Variants in PNLIP observed in about 807,000 individuals in gnomAD.
The protein encoded by PNLIP is pancreatic triacylglycerol lipase.
In PNLIP, 49 loss-of-function variants were observed where a neutral mutation model predicts 57.1. That is an observed-to-expected ratio of 0.86 (90% CI 0.68 to 1.09). The LOEUF (loss-of-function observed/expected upper bound fraction) is 1.09. PNLIP is among the 50% of genes least tolerant of loss of function. The pLI, the probability that PNLIP is intolerant of heterozygous loss-of-function variation, is 0.00. For missense variants in PNLIP, 503 were observed against 570.2 expected (o/e 0.88, Z 1.20); for synonymous variants, 209 against 200.4 (o/e 1.04, Z -0.36).
chr10:116,555,369 T>C lies in PNLIP; in HGVS notation c.692-19T>C, dbSNP rs746840327. On this transcript the variant is annotated intron_variant, in intron 7 of 12. Transcript: ENST00000369221. ...CTATATACATTAGCATAAACCCTCATGTATTTTTATGATTTCAGGGTTTGG... is the reference window on the plus strand; with the variant it reads ...CTATATACATTAGCATAAACCCTCACGTATTTTTATGATTTCAGGGTTTGG... The C allele has an allele frequency of 1.9e-6, 3 of 1,614,048 alleles. No individual in the cohort carries two copies. Among genetic ancestry groups the C allele is most frequent in the Admixed American group, 1.7e-5 (1 of 59,990 alleles).
chr10:116,556,663 C>T (rs1221134820), intron 9 of PNLIP, among the ~76,000 whole-genome samples: 1 of 150,700 alleles, frequency 6.6e-6, no homozygotes, highest in Non-Finnish European at 1.5e-5. Context: ...TAAATGTGTG[C>T]TGTAGTGGCT....
At chr10:116,565,752 A>C (rs1007082467) in intron 12 of PNLIP, among the ~76,000 whole-genome samples, 1 of 152,108 alleles carries the variant, frequency 6.6e-6, no homozygotes, top group African/African-American at 2.4e-5. Context: ...TTGGTGTTCG[A>C]TATTTACCCA....
chr10:116,555,692 G>A (rs573149121), intron 8 of PNLIP, among the ~76,000 whole-genome samples, 185 bp downstream of exon 8: 2 of 152,316 alleles, frequency 1.3e-5, no homozygotes, highest in South Asian at 2.1e-4. Context: ...GGGAAAGAAA[G>A]CGTATTTTCA....
At chr10:116,546,191 C>A in intron 2 of PNLIP, 53 bp downstream of exon 2, 2 of 1,495,050 alleles carry the variant, frequency 1.3e-6, no homozygotes, top group South Asian at 2.3e-5. Context: ...TCAACACGGT[C>A]AGGAGGGCTA....
At chr10:116,547,630 G>A (rs139399051) in intron 3 of PNLIP, among the ~76,000 whole-genome samples, 182 bp downstream of exon 3, 52 of 150,842 alleles carry the variant, frequency 3.4e-4, no homozygotes, top group African/African-American at 1.2e-3. Flanking sequence ...GGAAACTGAA[G>A]CAGGAGGATG....
chr10:116,565,913 A>C (rs1847362909), intron 12 of PNLIP, among the ~76,000 whole-genome samples: 1 of 152,268 alleles, frequency 6.6e-6, no homozygotes, highest in South Asian at 2.1e-4. Context: ...GGTTCAAGCG[A>C]TTCTCCTGCC....
chr10:116,558,329 G>A (rs1847276626), intron 9 of PNLIP, among the ~76,000 whole-genome samples: 1 of 151,520 alleles, frequency 6.6e-6, no homozygotes, highest in Non-Finnish European at 1.5e-5. Flanking sequence ...CAAGTAGCTG[G>A]GACTACAGGC....
chr10:116,565,703 C>A (rs1454550574), intron 12 of PNLIP, among the ~76,000 whole-genome samples: 1 of 152,100 alleles, frequency 6.6e-6, no homozygotes, highest in African/African-American at 2.4e-5. Flanking sequence ...GTGATTCACC[C>A]ACCTCGACCT....
intron 4 of PNLIP, among the ~76,000 whole-genome samples, chr10:116,550,281 A>G (rs1383394913): frequency 1.3e-5 from 2 of 151,224 alleles, no homozygotes. Flanking sequence ...GATGGTCTCG[A>G]TCTCATGACC....
At chr10:116,553,645 G>A (rs1356220480) in intron 5 of PNLIP, 82 bp from the exon 6 acceptor site, 10 of 776,912 alleles carry the variant, frequency 1.3e-5, no homozygotes, top group Non-Finnish European at 2.0e-5. Context: ...GCTTGATGAT[G>A]CATTTCTTGT....
rs144995868 is a variant in PNLIP, at chr10:116,548,895, A to T, written c.324+413A>T. On this transcript the variant is annotated intron_variant, in intron 4 of 12. Coordinates refer to ENST00000369221, the MANE Select transcript of PNLIP (RefSeq NM_000936.4). ...TTTGATTTTCACTTGCTACTCTCGGATCTCCTCTGGTAGCAATAACTTTGA... is the reference window on the plus strand; with the variant it reads ...TTTGATTTTCACTTGCTACTCTCGGTTCTCCTCTGGTAGCAATAACTTTGA... 7.3e-4 allele frequency among the ~76,000 whole-genome samples: 111 copies of T among 152,282 alleles called. 1 individual carries two copies. In the East Asian group the frequency reaches 0.016, roughly 23 times the overall value.
Position 116,547,272 on chromosome 10 carries a change from A to T in PNLIP, c.47-22A>T, listed in dbSNP as rs772529010. The T allele has an allele frequency of 4.4e-5, 71 of 1,612,506 alleles. No individual in the cohort carries two copies. In the East Asian group the frequency reaches 1.5e-3, roughly 34 times the overall value. ...TAAAAAGAGCATGTTTGTAAAACTA[A>T]TATCCTTCTGGGGGATTGCAGGAAA... On this transcript the variant is annotated intron_variant, in intron 2 of 12. Transcript: ENST00000369221.
Position 116,560,410 on chromosome 10 carries a change from T to C in PNLIP, c.1061-6T>C. ...ACTGACATTTTGCAATTTTTCTCCC[T>C]TGCAGGTTGGAGGTATAAGGTATCT... On this transcript the variant is annotated splice_region_variant and splice_polypyrimidine_tract_variant and intron_variant, in intron 10 of 12. Transcript: ENST00000369221. 2.0e-6 allele frequency: 3 copies of C among 1,529,864 alleles called. No individual in the cohort carries two copies. The highest frequency in any genetic ancestry group is 2.7e-6 in the Non-Finnish European group (3 of 1,122,568). 94.8% of individuals were successfully genotyped at this position (1,529,864 alleles called of 1,614,324 possible).
intron 9 of PNLIP, among the ~76,000 whole-genome samples, chr10:116,556,890 A>C (rs930762726): frequency 6.6e-6 from 1 of 152,204 alleles, no homozygotes; most frequent in African/African-American, 2.4e-5. Context: ...AGAGGATGCA[A>C]ATCTTGGTTT....
At position 116,567,809 on chromosome 10, in the gene PNLIP, T is replaced by A. The variant is rs1349275437; in HGVS notation, c.*11T>A. ...CTCACACCGTGTTAGGAGACTACTG[T>A]TATTTGACCAATGAATTGACTTCTA... On this transcript the variant is annotated 3_prime_UTR_variant, in exon 13 of 13. Coordinates refer to ENST00000369221, the MANE Select transcript of PNLIP (RefSeq NM_000936.4). 1 of 1,601,406 alleles carries A rather than the reference T, an allele frequency of 6.2e-7. No individual in the cohort carries two copies. Among genetic ancestry groups the A allele is most frequent in the Admixed American group, 1.7e-5 (1 of 60,018 alleles).
chr10:116,561,676 CTG>C, intron 12 of PNLIP, 40 bp downstream of exon 12: 1 of 1,554,864 alleles, frequency 6.4e-7, no homozygotes, highest in Non-Finnish European at 8.8e-7. Context: ...AATATCGAGT[CTG>C]TGTTTATAGT....
Sources: gnomAD v4.1 joint callset for allele counts (sites outside exome capture counted in the v4.1 genomes callset) on GRCh38, gnomAD v4.1.1 for gene constraint, MANE v1.5 for transcripts, NCBI Gene and HGNC (gene_info 2026-07-23, HGNC 2026-07-21) for gene names.